IBTK: variants seen among roughly 807,000 people sequenced by gnomAD.
The protein encoded by IBTK is inhibitor of Bruton tyrosine kinase.
In IBTK, 83 loss-of-function variants were observed where a neutral mutation model predicts 154.9. The observed-to-expected ratio is 0.54, with a 90% CI of 0.45 to 0.64. IBTK has a LOEUF of 0.64. IBTK is among the 30% of genes least tolerant of loss of function. The pLI is 0.00. For synonymous variants in IBTK, 515 were observed against 536.1 expected (o/e 0.96, Z 0.54); for missense variants, 1,332 against 1,584.6 (o/e 0.84, Z 2.71).
chr6:82,210,785 A>G, intron 16 of IBTK, 29 bp downstream of exon 16: 2 of 975,092 alleles, frequency 2.1e-6, no homozygotes, highest in South Asian at 2.1e-5. Flanking sequence ...TATGTGAAGT[A>G]TCTACAATGT....
Position 82,228,766 on chromosome 6 carries a change from T to C in IBTK, c.544-1464A>G, listed in dbSNP as rs542953623. On this transcript the variant is annotated intron_variant, in intron 4 of 28. Transcript: ENST00000306270. ...CCTCCCGAGTAGCTGGGACTACAGG[T>C]GCCCGCCACCACGCCTGGCTAATTT... is the stretch of plus-strand genomic sequence containing the variant. Among the ~76,000 whole-genome samples, 58 of 151,936 alleles carry C rather than the reference T, an allele frequency of 3.8e-4. 1 individual carries two copies. In the Middle Eastern group the frequency reaches 0.01, roughly 27 times the overall value.
chr6:82,213,118 C>T lies in IBTK; in HGVS notation c.2205-325G>A, dbSNP rs972331179. On this transcript the variant is annotated intron_variant, in intron 12 of 28. Transcript: ENST00000306270. ...TCTTAGTTCACTGCAACCTCCACCT[C>T]CCAGGTTCACATGAATCTCCTGCCT... 2.0e-5 allele frequency among the ~76,000 whole-genome samples: 3 copies of T among 152,178 alleles called. No individual in the cohort carries two copies. The South Asian group carries it at 6.2e-4, about 32-fold the overall frequency.
At chr6:82,246,750 A>T (rs1771163219) in intron 1 of IBTK, among the ~76,000 whole-genome samples, 1 of 152,258 alleles carries the variant, frequency 6.6e-6, no homozygotes, top group Non-Finnish European at 1.5e-5. Context: ...AAATACAAAA[A>T]GAGAAATGAT....
At chr6:82,212,663 C>A (rs762661082) in intron 13 of IBTK, 44 bp downstream of exon 13, 1 of 1,308,950 alleles carries the variant, frequency 7.6e-7, no homozygotes. Context: ...CACTTAAGTG[C>A]CAAAATCCAG....
chr6:82,200,434 C>T (rs747827816), intron 20 of IBTK, among the ~76,000 whole-genome samples, 153 bp downstream of exon 20: 40 of 151,902 alleles, frequency 2.6e-4, no homozygotes, highest in Non-Finnish European at 4.7e-4. Context: ...TAAGAATGAG[C>T]GTAACTACCT....
chr6:82,225,903 C>G (rs1368270048), intron 5 of IBTK, among the ~76,000 whole-genome samples: 1 of 152,164 alleles, frequency 6.6e-6, no homozygotes, highest in East Asian at 1.9e-4. Flanking sequence ...GATTTTTGAG[C>G]CCTTACCAAG....
rs764036027 is a variant in IBTK at position 82,196,461 on chromosome 6, TAA to T, written c.3026-17_3026-16del. The T allele has an allele frequency of 6.4e-7, 1 of 1,560,408 alleles. No individual in the cohort carries two copies. The highest frequency in any genetic ancestry group is 8.7e-7 in the Non-Finnish European group (1 of 1,147,690). On this transcript the variant is annotated splice_polypyrimidine_tract_variant and intron_variant, in intron 21 of 28. Transcript: ENST00000306270. ...CTTTAATAATCCTAAAACATGAAAT[TAA>T]AAAAAATTAAACACATATGCATTAA...
chr6:82,207,986 A>C (rs1769474310), intron 16 of IBTK, among the ~76,000 whole-genome samples: 1 of 152,038 alleles, frequency 6.6e-6, no homozygotes, highest in Non-Finnish European at 1.5e-5. Flanking sequence ...GATATTGGTC[A>C]AAGAGTACAA....
rs78517720 is a variant in IBTK, at chr6:82,194,229, A to T, written c.3338+250T>A. Among the ~76,000 whole-genome samples the T allele has an allele frequency of 1.4e-4, 22 of 152,236 alleles. No homozygotes were observed. In the East Asian group the frequency reaches 4.2e-3, roughly 29 times the overall value. Reference sequence around the variant, plus strand: ...AACTACTGATACTAAGTTTCTCTCTATATACGTAAAACATAGTATTTGCTA... The same window carrying T: ...AACTACTGATACTAAGTTTCTCTCTTTATACGTAAAACATAGTATTTGCTA... On this transcript the variant is annotated intron_variant, in intron 23 of 28. Coordinates refer to ENST00000306270, the MANE Select transcript of IBTK (RefSeq NM_015525.4).
intron 26 of IBTK, among the ~76,000 whole-genome samples, chr6:82,179,640 A>G (rs1304596041): frequency 6.6e-6 from 1 of 152,226 alleles, no homozygotes; most frequent in East Asian, 1.9e-4. Context: ...TGTTGAACTT[A>G]GCCTGTACTG....
At chr6:82,209,210 C>T (rs948556907) in intron 16 of IBTK, among the ~76,000 whole-genome samples, 2 of 152,160 alleles carry the variant, frequency 1.3e-5, no homozygotes, top group Admixed American at 6.6e-5. Context: ...CCAGCATTTC[C>T]GCTTCTAGGT....
chr6:82,236,944 G>A (rs6939987), intron 2 of IBTK, among the ~76,000 whole-genome samples: 36,314 of 152,120 alleles, frequency 0.24, 4,395 homozygotes, highest in African/African-American at 0.28. Flanking sequence ...CCACTGTTAT[G>A]TATCTATCAC....
rs1286603761 is a variant in IBTK, at chr6:82,224,179, C to G, written c.832G>C (p.Ala278Pro). ...ATTGTCCTTCCTTTCAGATATTTTG[C>G]CTGTATCTATTTAAAGACAAATAAA... Reference protein sequence around the residue: ...SSCNVPRQIQAKYLKGRTIIG... With the variant: ...SSCNVPRQIQPKYLKGRTIIG... Residue 278 changes from alanine (A) to proline (P), a missense_variant, in exon 7 of 29, where the codon GCA becomes CCA. This residue lies in a region of IBTK where 1,134 missense variants were observed against 1,274.7 expected (regional missense o/e 0.89). Coordinates refer to ENST00000306270, the MANE Select transcript of IBTK (RefSeq NM_015525.4). The G allele has an allele frequency of 1.2e-6, 2 of 1,611,424 alleles. No homozygotes were observed. The highest frequency in any genetic ancestry group is 2.7e-5 in the African/African-American group (2 of 74,822).
Position 82,185,920 on chromosome 6 carries a change from T to C in IBTK, c.3576-3892A>G, listed in dbSNP as rs1021039189. Reference sequence around the variant, plus strand: ...AACAGGTTGAAGGTTTGTGGCAACCTTGCATGGAGCAAGTATATCGTGCCA... The same window carrying C: ...AACAGGTTGAAGGTTTGTGGCAACCCTGCATGGAGCAAGTATATCGTGCCA... On this transcript the variant is annotated intron_variant, in intron 25 of 28. Transcript: ENST00000306270. 7.2e-5 allele frequency among the ~76,000 whole-genome samples: 11 copies of C among 152,198 alleles called. No homozygotes were observed. In the East Asian group the frequency reaches 7.7e-4, roughly 11 times the overall value.
rs1444960988 is a variant in IBTK, at chr6:82,227,321, A to C, written c.544-19T>G. 2 of 1,409,504 alleles carry C rather than the reference A, an allele frequency of 1.4e-6. No individual in the cohort carries two copies. The highest frequency in any genetic ancestry group is 2.5e-5 in the South Asian group (2 of 79,914). The allele number at this position is 1,409,504 out of a possible 1,614,324, so 87.3% of individuals were successfully genotyped here. A position where few individuals can be genotyped will look rare whatever the true frequency, so the allele number is the denominator to read the frequency against. On this transcript the variant is annotated intron_variant, in intron 4 of 28. Transcript: ENST00000306270. ...GCACCACCTAAGGGAAAACAAGAGA[A>C]TATTATTAAACTTCTCTGAATAAAA...
At chr6:82,216,276 TA>T (rs1316907344) in intron 10 of IBTK, 26 bp from the exon 11 acceptor site, 1 of 1,442,354 alleles carries the variant, frequency 6.9e-7, no homozygotes, top group Non-Finnish European at 9.5e-7. Context: ...AAACTACCAT[TA>T]ATCAAGGCTT....
At chr6:82,211,690 T>TG in intron 13 of IBTK, 118 bp from the exon 14 acceptor site, 2 of 737,698 alleles carry the variant, frequency 2.7e-6, no homozygotes, top group East Asian at 5.4e-5. Flanking sequence ...ATAAATAACT[T>TG]GCAGGAATAC....
In IBTK at chr6:82,214,572, A is replaced by C; in HGVS notation, c.1859T>G (p.Val620Gly). Residue 620 changes from valine to glycine, a missense_variant, in exon 12 of 29, where the codon GTA becomes GGA. Physicochemically the swap from Val to Gly is moderately radical, Grantham distance 109 (BLOSUM62 -3). This residue lies in a region of IBTK where 1,134 missense variants were observed against 1,274.7 expected (regional missense o/e 0.89). Coordinates refer to ENST00000306270, the MANE Select transcript of IBTK (RefSeq NM_015525.4). ...AAACATGTCAGGATGAACCTTCTCT[A>C]CCACAAAGAGATGGCACCCTGCAGA... is the stretch of plus-strand genomic sequence containing the variant. ...EDSAGCHLFVVEKVHPDMFEY... is the reference protein window; with the variant it reads ...EDSAGCHLFVGEKVHPDMFEY... 1 of 1,614,092 alleles carries C rather than the reference A, an allele frequency of 6.2e-7. No homozygotes were observed. The highest frequency in any genetic ancestry group is 8.5e-7 in the Non-Finnish European group (1 of 1,179,988).
At chr6:82,174,387 GA>G (rs1768034451) in intron 26 of IBTK, among the ~76,000 whole-genome samples, 1 of 152,096 alleles carries the variant, frequency 6.6e-6, no homozygotes, top group Admixed American at 6.5e-5. Context: ...ATGCACAGAA[GA>G]AAAAATACAA....
Sources: allele counts gnomAD v4.1 joint callset (sites outside exome capture counted in the v4.1 genomes callset), GRCh38; gene constraint gnomAD v4.1.1; regional missense constraint gnomAD v4.1.1; transcripts MANE v1.5; gene names NCBI Gene and HGNC (gene_info 2026-07-23, HGNC 2026-07-21).